The following ALOX5 variants were observed in gnomAD, a reference collection of about 807,000 sequenced individuals.
ALOX5 encodes polyunsaturated fatty acid 5-lipoxygenase.
In ALOX5, 64 loss-of-function variants were observed where a neutral mutation model predicts 87.9. The ratio of observed to expected loss-of-function variants is 0.73; its 90% CI spans 0.60 to 0.90. The LOEUF (loss-of-function observed/expected upper bound fraction) is 0.90. ALOX5 is among the 40% of genes least tolerant of loss of function. ALOX5 has a pLI of 0.00. For missense variants in ALOX5, 822 were observed against 907.5 expected (o/e 0.91, Z 1.21); for synonymous variants, 388 against 355.1 (o/e 1.09, Z -1.04).
chr10:45,436,281 T>C (rs771743064), intron 7 of ALOX5, among the ~76,000 whole-genome samples: 1 of 152,188 alleles, frequency 6.6e-6, no homozygotes, highest in Non-Finnish European at 1.5e-5. Flanking sequence ...TCAATTTTTG[T>C]TTTTGTTGCA....
At chr10:45,394,477 T>C (rs1030939652) in intron 2 of ALOX5, among the ~76,000 whole-genome samples, 1 of 152,216 alleles carries the variant, frequency 6.6e-6, no homozygotes, top group Non-Finnish European at 1.5e-5. Context: ...AAGACTTAAA[T>C]GTTAGACCTA....
rs145262684 is a variant in ALOX5, at chr10:45,426,938, A to G, written c.835-1680A>G. Among the ~76,000 whole-genome samples, 1,056 of 152,312 alleles carry G rather than the reference A, an allele frequency of 6.9e-3. 6 individuals carry two copies. The highest frequency in any genetic ancestry group is 0.017 in the Middle Eastern group (5 of 294). On this transcript the variant is annotated intron_variant, in intron 6 of 13. Transcript: ENST00000374391. ...GACCCTGTTTCCCAATGCTCCCAGC[A>G]GATGTCTTAGGCCATCCTCGGGCCT... is the stretch of plus-strand genomic sequence containing the variant.
At chr10:45,380,075 T>C (rs1839775000) in intron 1 of ALOX5, among the ~76,000 whole-genome samples, 2 of 152,190 alleles carry the variant, frequency 1.3e-5, no homozygotes, top group Admixed American at 1.3e-4. Flanking sequence ...CCCGAGCCCC[T>C]GAGATGCTGA....
At chr10:45,400,560 C>T (rs980877693) in intron 3 of ALOX5, among the ~76,000 whole-genome samples, 1 of 152,130 alleles carries the variant, frequency 6.6e-6, no homozygotes, top group African/African-American at 2.4e-5. Flanking sequence ...GATCCCGCCA[C>T]TGCACTCCAG....
At chr10:45,391,156 T>G (rs1840229214) in intron 2 of ALOX5, among the ~76,000 whole-genome samples, 1 of 147,908 alleles carries the variant, frequency 6.8e-6, no homozygotes, top group African/African-American at 2.5e-5. Flanking sequence ...AAAGCTGGAC[T>G]GTACTGCTGC....
intron 4 of ALOX5, among the ~76,000 whole-genome samples, chr10:45,419,324 G>A (rs73283184): frequency 0.022 from 3,335 of 152,344 alleles, 120 homozygotes; most frequent in African/African-American, 0.074. Context: ...CATTTACAAG[G>A]GACGCTGGGC....
intron 2 of ALOX5, among the ~76,000 whole-genome samples, chr10:45,384,378 A>G (rs1313454230): frequency 6.6e-6 from 1 of 152,098 alleles, no homozygotes; most frequent in Non-Finnish European, 1.5e-5. Flanking sequence ...CTGCTGTAAA[A>G]CCAACCTCCT....
intron 7 of ALOX5, among the ~76,000 whole-genome samples, chr10:45,436,280 G>GT (rs1220327486): frequency 6.6e-6 from 1 of 152,112 alleles, no homozygotes; most frequent in African/African-American, 2.4e-5. Flanking sequence ...GTCAATTTTT[G>GT]TTTTTGTTGC....
At chr10:45,431,604 G>T (rs1166193920) in intron 7 of ALOX5, among the ~76,000 whole-genome samples, 4 of 150,800 alleles carry the variant, frequency 2.7e-5, no homozygotes, top group Non-Finnish European at 5.9e-5. Flanking sequence ...ATGGAGTTTC[G>T]CACTGTCACC....
intron 1 of ALOX5, among the ~76,000 whole-genome samples, chr10:45,379,924 G>C (rs192365061): frequency 8.0e-4 from 122 of 152,226 alleles, no homozygotes; most frequent in Admixed American, 6.8e-3. Context: ...TCCTCGGTGG[G>C]ATCAGGAATC....
intron 2 of ALOX5, among the ~76,000 whole-genome samples, chr10:45,394,705 A>G (rs1484651061): frequency 6.6e-6 from 1 of 152,230 alleles, no homozygotes; most frequent in African/African-American, 2.4e-5. Flanking sequence ...CAATCTACTC[A>G]TCTGACAAAG....
chr10:45,406,763 TAGTG>T (rs550377840), intron 3 of ALOX5, among the ~76,000 whole-genome samples: 2 of 152,362 alleles, frequency 1.3e-5, no homozygotes, highest in South Asian at 4.1e-4. Flanking sequence ...TGTTTGTTGT[TAGTG>T]AGTCTGGTTA....
At chr10:45,432,535 G>A (rs1841939981) in intron 7 of ALOX5, among the ~76,000 whole-genome samples, 1 of 152,084 alleles carries the variant, frequency 6.6e-6, no homozygotes, top group Middle Eastern at 3.2e-3. Flanking sequence ...CACAATGGAG[G>A]TTTTTCAACT....
intron 3 of ALOX5, among the ~76,000 whole-genome samples, chr10:45,409,555 T>TTCTC: frequency 7.3e-6 from 1 of 137,386 alleles, no homozygotes; most frequent in African/African-American, 2.6e-5. Context: ...CTCTCTTGCT[T>TTCTC]TCTCTCTCTC....
rs1266226774 is a variant in ALOX5 at position 45,374,246 on chromosome 10, G to A, written c.-34G>A. On this transcript the variant is annotated 5_prime_UTR_variant, in exon 1 of 14. Transcript: ENST00000374391. Reference sequence around the variant, plus strand: ...CGGACACCTGGACCGCCGCGCCGAGGCTCCCGGCGCTCGCTGCTCCCGCGG... The same window carrying A: ...CGGACACCTGGACCGCCGCGCCGAGACTCCCGGCGCTCGCTGCTCCCGCGG... 1.4e-6 allele frequency: 2 copies of A among 1,450,286 alleles called. No individual in the cohort carries two copies. The highest frequency in any genetic ancestry group is 9.1e-7 in the Non-Finnish European group (1 of 1,100,964). The allele number at this position is 1,450,286 out of a possible 1,614,324, so 89.8% of individuals were successfully genotyped here.
At position 45,374,358 on chromosome 10, in the gene ALOX5, G is replaced by A. The variant is rs767933146; in HGVS notation, c.79G>A (p.Val27Met). 6.5e-7 allele frequency: 1 copy of A among 1,548,116 alleles called. No individual in the cohort carries two copies. Among genetic ancestry groups the A allele is most frequent in the Non-Finnish European group, 8.7e-7 (1 of 1,149,872 alleles). ...GTDDYIYLSL[V>M]GSAGCSEKHL... Reference sequence around the variant, plus strand: ...TGACGACTACATCTACCTCAGCCTCGTGGGCTCGGCGGGCTGCAGCGAGAA... The same window carrying A: ...TGACGACTACATCTACCTCAGCCTCATGGGCTCGGCGGGCTGCAGCGAGAA... Residue 27 changes from valine (V) to methionine (M), a missense_variant, in exon 1 of 14, where the codon GTG becomes ATG. Transcript: ENST00000374391.
intron 3 of ALOX5, among the ~76,000 whole-genome samples, chr10:45,399,921 A>G (rs1490381594): frequency 6.6e-6 from 1 of 152,228 alleles, no homozygotes; most frequent in Non-Finnish European, 1.5e-5. Context: ...TCATCAGGAA[A>G]TTTCAAATCA....
rs200774770 is a variant in ALOX5 at position 45,412,342 on chromosome 10, G to T, written c.554+29G>T. 950 of 1,612,630 alleles carry T rather than the reference G, an allele frequency of 5.9e-4. 1 individual carries two copies. The highest frequency in any genetic ancestry group is 8.2e-4 in the Middle Eastern group (5 of 6,074). On this transcript the variant is annotated intron_variant, in intron 4 of 13. Coordinates refer to ENST00000374391, the MANE Select transcript of ALOX5 (RefSeq NM_000698.5). ...AGTTTACGAGAACTGAGGGACTCTG[G>T]GCAGCCCCTCCAGTGGCTGGTGCTG...
chr10:45,391,633 T>A (rs1472604142), intron 2 of ALOX5, among the ~76,000 whole-genome samples: 2 of 147,944 alleles, frequency 1.4e-5, no homozygotes, highest in Non-Finnish European at 3.0e-5. Context: ...GCCGCCATCC[T>A]GTCTAGGAAG....
Sources: allele counts gnomAD v4.1 joint callset (sites outside exome capture counted in the v4.1 genomes callset), GRCh38; gene constraint gnomAD v4.1.1; transcripts MANE v1.5; gene names NCBI Gene and HGNC (gene_info 2026-07-23, HGNC 2026-07-21).